SPOCK1: variants seen among roughly 807,000 people sequenced by gnomAD.
SPOCK1 encodes testican-1.
Under a neutral mutation model 55.3 loss-of-function variants are expected in SPOCK1, and 23 were observed. The observed-to-expected ratio is 0.42, with a 90% CI of 0.30 to 0.59. The LOEUF (loss-of-function observed/expected upper bound fraction) is 0.59, where lower values mean the gene tolerates loss of function less well. SPOCK1 is among the 20% of genes least tolerant of loss of function. The pLI is 0.22. For missense variants in SPOCK1, 499 were observed against 552.5 expected, an observed-to-expected ratio of 0.90 and a Z score of 0.97; for synonymous variants, 226 against 221.0, an observed-to-expected ratio of 1.02 and a Z score of -0.20.
intron 3 of SPOCK1, among the ~76,000 whole-genome samples, chr5:137,222,845 G>C (rs1755879952): frequency 6.6e-6 from 1 of 152,148 alleles, no homozygotes; most frequent in Non-Finnish European, 1.5e-5. Flanking sequence ...GGTTTTTGAG[G>C]GATGAAAACA....
chr5:137,443,583 C>G (rs1207584037), intron 2 of SPOCK1, among the ~76,000 whole-genome samples: 1 of 152,118 alleles, frequency 6.6e-6, no homozygotes, highest in East Asian at 1.9e-4. Flanking sequence ...GACTCCTTGT[C>G]CGGCTTCCCC....
At chr5:137,182,578 G>T (rs1754990817) in intron 3 of SPOCK1, among the ~76,000 whole-genome samples, 1 of 152,102 alleles carries the variant, frequency 6.6e-6, no homozygotes, top group South Asian at 2.1e-4. Context: ...TTCCTGACTG[G>T]ATTTCGGAGC....
At chr5:137,458,333 C>G (rs1753410861) in intron 2 of SPOCK1, among the ~76,000 whole-genome samples, 3 of 152,044 alleles carry the variant, frequency 2.0e-5, no homozygotes, top group Admixed American at 2.0e-4. Flanking sequence ...CAAAACAAAA[C>G]AAAAGAAAAA....
At chr5:136,997,867 G>A (rs1751075773) in intron 6 of SPOCK1, among the ~76,000 whole-genome samples, 1 of 152,082 alleles carries the variant, frequency 6.6e-6, no homozygotes, top group South Asian at 2.1e-4. Flanking sequence ...CATAAAACAT[G>A]CCCTGACTCT....
chr5:137,118,855 G>A (rs1283988090), intron 4 of SPOCK1, among the ~76,000 whole-genome samples: 2 of 152,196 alleles, frequency 1.3e-5, no homozygotes, highest in African/African-American at 2.4e-5. Context: ...CTCTGCATAT[G>A]AACAGCTGCT....
At chr5:137,363,209 C>T (rs1279579957) in intron 2 of SPOCK1, among the ~76,000 whole-genome samples, 1 of 152,204 alleles carries the variant, frequency 6.6e-6, no homozygotes, top group Non-Finnish European at 1.5e-5. Context: ...CTAGCTCTCC[C>T]TCCCCAATAC....
chr5:137,408,382 C>T (rs1752143546), intron 2 of SPOCK1, among the ~76,000 whole-genome samples: 1 of 152,140 alleles, frequency 6.6e-6, no homozygotes, highest in Non-Finnish European at 1.5e-5. Context: ...CATATAGGCC[C>T]AACCATGATG....
intron 4 of SPOCK1, among the ~76,000 whole-genome samples, chr5:137,120,243 G>A (rs757085565): frequency 2.6e-5 from 4 of 152,130 alleles, no homozygotes; most frequent in Non-Finnish European, 5.9e-5. Flanking sequence ...GAAGTAGAGA[G>A]CCATCATCCC....
chr5:136,978,785 C>T lies in SPOCK1; in HGVS notation c.1189G>A (p.Asp397Asn). The T allele has an allele frequency of 6.2e-7, 1 of 1,614,098 alleles. No homozygotes were observed. The part of the protein sequence containing the change: ...GSGGSVVLLD[D>N]LEYERELGPK... The stretch of plus-strand genomic sequence containing the variant: ...CCCAGCTCCCGTTCATATTCTAGGT[C>T]ATCCAGCAGGACCACGGACCCACCA... Residue 397 changes from aspartate to asparagine, a missense_variant, in exon 11 of 11, where the codon GAC becomes AAC. Transcript: ENST00000394945.
intron 3 of SPOCK1, among the ~76,000 whole-genome samples, chr5:137,154,432 G>A (rs541815223): frequency 3.6e-4 from 55 of 152,324 alleles, no homozygotes; most frequent in African/African-American, 1.3e-3. Context: ...GAGGAACAGT[G>A]CAATCCCAGG....
chr5:137,020,710 A>T (rs1751548963), intron 6 of SPOCK1, among the ~76,000 whole-genome samples: 1 of 152,024 alleles, frequency 6.6e-6, no homozygotes, highest in African/African-American at 2.4e-5. Flanking sequence ...AATTCTATAA[A>T]TAAATTTTTT....
intron 2 of SPOCK1, among the ~76,000 whole-genome samples, chr5:137,448,102 G>T (rs1193747282): frequency 1.3e-5 from 2 of 152,070 alleles, no homozygotes; most frequent in Non-Finnish European, 2.9e-5. Flanking sequence ...ACAAAAATTA[G>T]CCGGGCTTGG....
chr5:137,175,607 G>C (rs1409897656), intron 3 of SPOCK1, among the ~76,000 whole-genome samples: 1 of 152,174 alleles, frequency 6.6e-6, no homozygotes, highest in Non-Finnish European at 1.5e-5. Flanking sequence ...CCATTTACTA[G>C]CTTTTTAACC....
At chr5:137,478,466 C>T (rs747812485) in intron 2 of SPOCK1, among the ~76,000 whole-genome samples, 2 of 152,116 alleles carry the variant, frequency 1.3e-5, no homozygotes, top group East Asian at 1.9e-4. Context: ...ATGTCAGAGA[C>T]ATTCAGATTT....
intron 2 of SPOCK1, among the ~76,000 whole-genome samples, chr5:137,296,532 G>A (rs998445666): frequency 6.6e-5 from 10 of 152,112 alleles, no homozygotes; most frequent in African/African-American, 1.9e-4. Context: ...TTGTGCTCCC[G>A]GCTCTGTCTG....
At chr5:137,209,163 G>T (rs1368352698) in intron 3 of SPOCK1, among the ~76,000 whole-genome samples, 1 of 152,150 alleles carries the variant, frequency 6.6e-6, no homozygotes, top group African/African-American at 2.4e-5. Flanking sequence ...AAAAATTTCT[G>T]TATGTAGCCT....
chr5:137,353,636 G>A (rs1183393295), intron 2 of SPOCK1, among the ~76,000 whole-genome samples: 1 of 152,160 alleles, frequency 6.6e-6, no homozygotes, highest in Non-Finnish European at 1.5e-5. Context: ...TTCAAATTCT[G>A]TAGCTGCTGC....
At chr5:136,996,226 G>C (rs1561574536) in intron 6 of SPOCK1, among the ~76,000 whole-genome samples, 1 of 152,212 alleles carries the variant, frequency 6.6e-6, no homozygotes, top group Non-Finnish European at 1.5e-5. Context: ...CTAGGGAAAA[G>C]TAATGTTCGT....
chr5:137,097,297 C>A (rs187743165), intron 5 of SPOCK1, among the ~76,000 whole-genome samples: 305 of 152,312 alleles, frequency 2.0e-3, no homozygotes, highest in African/African-American at 6.8e-3. Flanking sequence ...GCCCAGTTTT[C>A]TGACTCCCTT....
Sources: allele counts gnomAD v4.1 joint callset (sites outside exome capture counted in the v4.1 genomes callset), GRCh38; gene constraint gnomAD v4.1.1; transcripts MANE v1.5; gene names NCBI Gene and HGNC (gene_info 2026-07-23, HGNC 2026-07-21).